GAS7: variants seen among roughly 807,000 people sequenced by gnomAD.
GAS7 encodes growth arrest-specific protein 7.
GAS7 carries 28 observed loss-of-function variants against 71.1 expected under a neutral mutation model. The ratio of observed to expected loss-of-function variants is 0.39; its 90% CI spans 0.29 to 0.54. The LOEUF (loss-of-function observed/expected upper bound fraction) is 0.54, where lower values mean the gene tolerates loss of function less well. Among genes scored for constraint, GAS7 ranks in the 20% least tolerant of loss-of-function variants. GAS7 has a pLI of 0.62. For synonymous variants in GAS7, 258 were observed against 245.8 expected (o/e 1.05, Z -0.46); for missense variants, 436 against 627.8 (o/e 0.69, Z 3.27).
At chr17:9,948,709 C>G (rs919484723) in intron 5 of GAS7, among the ~76,000 whole-genome samples, 1 of 151,890 alleles carries the variant, frequency 6.6e-6, no homozygotes, top group African/African-American at 2.4e-5. Flanking sequence ...CTGGGTTGCA[C>G]GTGTAAGGCT....
chr17:10,056,699 G>A (rs1186264633), intron 1 of GAS7, among the ~76,000 whole-genome samples: 9 of 151,798 alleles, frequency 5.9e-5, no homozygotes, highest in African/African-American at 1.7e-4. Flanking sequence ...GTGAAACCCC[G>A]TCTCTACTAA....
chr17:9,957,085 T>C (rs2069272636), intron 5 of GAS7, among the ~76,000 whole-genome samples: 1 of 152,066 alleles, frequency 6.6e-6, no homozygotes, highest in African/African-American at 2.4e-5. Flanking sequence ...ACTTGTTTTG[T>C]GACCTCTGGC....
intron 1 of GAS7, 162 bp from the exon 2 acceptor site, chr17:10,020,059 G>A (rs764146481): frequency 7.8e-6 from 5 of 642,172 alleles, no homozygotes; most frequent in African/African-American, 1.8e-5. Context: ...CGTGACCTCC[G>A]GGGTTGCGTG....
chr17:10,052,264 AT>A (rs1399903501), intron 1 of GAS7, among the ~76,000 whole-genome samples: 1 of 152,184 alleles, frequency 6.6e-6, no homozygotes, highest in Non-Finnish European at 1.5e-5. Flanking sequence ...GGAATCCAAT[AT>A]CCAAAGGCAA....
chr17:10,028,198 C>T lies in GAS7; in HGVS notation c.184-8301G>A, dbSNP rs188098648. ...GATTACAGGCGTGAGCCACTGCGCCCGGCCTTAACATTTCTTTTTTTTAAA... is the reference window on the plus strand; with the variant it reads ...GATTACAGGCGTGAGCCACTGCGCCTGGCCTTAACATTTCTTTTTTTTAAA... On this transcript the variant is annotated intron_variant, in intron 1 of 13. Transcript: ENST00000432992. Among the ~76,000 whole-genome samples, 1,296 of 152,266 alleles carry T rather than the reference C, an allele frequency of 8.5e-3. 6 individuals are homozygous for T. The highest frequency in any genetic ancestry group is 0.015 in the Non-Finnish European group (1,034 of 68,018).
rs1259898435 is a variant in GAS7, at chr17:9,926,088, G to C, written c.1015-489C>G. The stretch of plus-strand genomic sequence containing the variant: ...TCTCTGTGGTCCTTGGGTGGCGGCA[G>C]TTGGCTGGGCCCAGGGTGTCCCAGC... On this transcript the variant is annotated intron_variant, in intron 10 of 13. Coordinates refer to ENST00000432992, the MANE Select transcript of GAS7 (RefSeq NM_201433.2). This position sits in a 1 kb window ranked among gnomAD's most constrained non-coding sequence, Gnocchi z 5.0. 2.6e-5 allele frequency among the ~76,000 whole-genome samples: 4 copies of C among 151,836 alleles called. No homozygotes were observed. The highest frequency in any genetic ancestry group is 2.6e-4 in the Admixed American group (4 of 15,214).
chr17:10,163,255 C>T (rs1460979207), intron 1 of GAS7, among the ~76,000 whole-genome samples: 1 of 152,188 alleles, frequency 6.6e-6, no homozygotes, highest in African/African-American at 2.4e-5. Context: ...GGATTACAGG[C>T]ATGCGCCAAC....
At chr17:9,933,373 C>A (rs1251132616) in intron 9 of GAS7, among the ~76,000 whole-genome samples, 2 of 152,152 alleles carry the variant, frequency 1.3e-5, no homozygotes, top group East Asian at 1.9e-4. Flanking sequence ...GAAAGCAGGG[C>A]TTCGTCACTC....
chr17:9,959,475 T>C lies in GAS7; in HGVS notation c.472-220A>G, dbSNP rs7217708. On this transcript the variant is annotated intron_variant, in intron 4 of 13. Coordinates refer to ENST00000432992, the MANE Select transcript of GAS7 (RefSeq NM_201433.2). The surrounding 1 kb of genome is among the most constrained non-coding windows in gnomAD (Gnocchi z 5.0). Reference sequence around the variant, plus strand: ...CTGAAGGCGAATTAAGGAAGCCTCCTGCACAGGCTCTGAGAGAACTGCTCC... The same window carrying C: ...CTGAAGGCGAATTAAGGAAGCCTCCCGCACAGGCTCTGAGAGAACTGCTCC... 4.9e-3 allele frequency: 7,026 copies of C among 1,420,300 alleles called. 303 individuals are homozygous for C. In the African/African-American group the frequency reaches 0.092, roughly 19 times the overall value. 88.0% of individuals were successfully genotyped at this position (1,420,300 alleles called of 1,614,324 possible). A position where few individuals can be genotyped will look rare whatever the true frequency, so the allele number is the denominator to read the frequency against.
intron 2 of GAS7, among the ~76,000 whole-genome samples, chr17:10,005,542 C>T (rs908932556): frequency 3.3e-5 from 5 of 151,970 alleles, no homozygotes; most frequent in Non-Finnish European, 4.4e-5. Context: ...TCAGCCCCAA[C>T]CAGCTGTGTT....
At chr17:9,989,201 A>C (rs2070753025) in intron 2 of GAS7, among the ~76,000 whole-genome samples, 1 of 152,104 alleles carries the variant, frequency 6.6e-6, no homozygotes. Context: ...ACTCAGTCTG[A>C]CAACAAAGAC....
chr17:10,042,869 A>C (rs185918831), intron 1 of GAS7, among the ~76,000 whole-genome samples: 1 of 152,332 alleles, frequency 6.6e-6, no homozygotes, highest in Admixed American at 6.5e-5. Context: ...GTTGATTCGG[A>C]AGGAAATGAC....
intron 1 of GAS7, among the ~76,000 whole-genome samples, chr17:10,159,786 C>CTTTTTTT (rs71139021): frequency 2.2e-5 from 3 of 134,536 alleles, no homozygotes; most frequent in Admixed American, 7.6e-5. Flanking sequence ...GAAGTGTGAC[C>CTTTTTTT]TTTTTTTTTT....
intron 7 of GAS7, among the ~76,000 whole-genome samples, chr17:9,941,314 T>C (rs967912731): frequency 6.6e-6 from 1 of 152,290 alleles, no homozygotes; most frequent in South Asian, 2.1e-4. Context: ...TCAAGAGAGA[T>C]ATCTAGAAAG....
intron 1 of GAS7, among the ~76,000 whole-genome samples, chr17:10,109,861 C>T (rs2073793650): frequency 6.6e-6 from 1 of 152,112 alleles, no homozygotes; most frequent in African/African-American, 2.4e-5. Flanking sequence ...TGAGACCAGC[C>T]TGGCCAACGT....
chr17:10,048,093 G>A (rs2073005959), intron 1 of GAS7, among the ~76,000 whole-genome samples: 1 of 152,228 alleles, frequency 6.6e-6, no homozygotes, highest in Admixed American at 6.5e-5. Context: ...CTTGAGGTCA[G>A]GAGTTCAAGG....
At chr17:10,058,910 C>T (rs993237672) in intron 1 of GAS7, among the ~76,000 whole-genome samples, 7 of 152,238 alleles carry the variant, frequency 4.6e-5, no homozygotes, top group African/African-American at 1.4e-4. Flanking sequence ...AACTTCCATG[C>T]TCTTTCCAGA....
At chr17:9,955,701 G>A (rs2069203222) in intron 5 of GAS7, among the ~76,000 whole-genome samples, 1 of 152,112 alleles carries the variant, frequency 6.6e-6, no homozygotes, top group African/African-American at 2.4e-5. Flanking sequence ...CAAAGGCAGG[G>A]GCTCAAAAAG....
intron 2 of GAS7, among the ~76,000 whole-genome samples, chr17:9,982,862 A>AAAGAAAGAAAGC (rs1567853351): frequency 2.1e-5 from 3 of 143,590 alleles, no homozygotes; most frequent in Non-Finnish European, 4.7e-5. Flanking sequence ...AGAAAGAAAG[A>AAAGAAAGAAAGC]AAGAAAGCAA....
Sources: allele counts gnomAD v4.1 joint callset (sites outside exome capture counted in the v4.1 genomes callset), GRCh38; gene constraint gnomAD v4.1.1; non-coding constraint Gnocchi (gnomAD v3.1); transcripts MANE v1.5; gene names NCBI Gene and HGNC (gene_info 2026-07-23, HGNC 2026-07-21).